Variants in UNC13A observed in about 807,000 individuals in gnomAD.
The protein encoded by UNC13A is protein unc-13 homolog A.
A neutral mutation model predicts 219.7 loss-of-function variants in UNC13A; 61 were observed. The observed-to-expected ratio is 0.28, with a 90% CI of 0.23 to 0.34. The LOEUF (loss-of-function observed/expected upper bound fraction) is 0.34, where lower values mean the gene tolerates loss of function less well. Among genes scored for constraint, UNC13A ranks in the 10% least tolerant of loss-of-function variants. The pLI is 1.00. For synonymous variants in UNC13A, 920 were observed against 884.6 expected, an observed-to-expected ratio of 1.04 and a Z score of -0.71; for missense variants, 1,476 against 2,270.3, an observed-to-expected ratio of 0.65 and a Z score of 7.11.
intron 26 of UNC13A, among the ~76,000 whole-genome samples, chr19:17,635,412 T>C (rs2076903431): frequency 6.6e-6 from 1 of 152,212 alleles, no homozygotes; most frequent in South Asian, 2.1e-4. Context: ...GAGTCCTCTC[T>C]AGCACTCATC....
chr19:17,668,066 G>T lies in UNC13A; in HGVS notation c.468+51C>A, dbSNP rs1036888347. On this transcript the variant is annotated intron_variant, in intron 6 of 43. Coordinates refer to ENST00000519716, the MANE Select transcript of UNC13A (RefSeq NM_001080421.3). ...CATCTGTAAGTGAAAATCATGGGGA[G>T]ACAGAGACAGAAACAAGGAAGAAAC... 91 of 1,570,322 alleles carry T rather than the reference G, an allele frequency of 5.8e-5. 2 individuals carry two copies. In the East Asian group the frequency reaches 2.0e-3, roughly 35 times the overall value.
At chr19:17,647,169 G>T in intron 17 of UNC13A, 96 bp downstream of exon 17, 2 of 1,168,386 alleles carry the variant, frequency 1.7e-6, no homozygotes, top group African/African-American at 1.5e-5. Flanking sequence ...GTGAGTGCGC[G>T]CTGCAAAGGA....
At chr19:17,619,607 T>G (rs1241837788) in intron 38 of UNC13A, among the ~76,000 whole-genome samples, 1 of 151,984 alleles carries the variant, frequency 6.6e-6, no homozygotes, top group Non-Finnish European at 1.5e-5. Context: ...TTTTTGAAAT[T>G]TTTTTCATAG....
intron 1 of UNC13A, among the ~76,000 whole-genome samples, chr19:17,681,284 T>C (rs117033582): frequency 0.014 from 2,155 of 151,344 alleles, 20 homozygotes; most frequent in Non-Finnish European, 0.023. Context: ...AGACAGGAGG[T>C]GGAGATCCAG....
At chr19:17,653,470 T>C (rs1406268536) in intron 11 of UNC13A, among the ~76,000 whole-genome samples, 2 of 150,750 alleles carry the variant, frequency 1.3e-5, no homozygotes, top group Admixed American at 6.6e-5. Flanking sequence ...GCCTCAGCCT[T>C]CCTAGTAGCT....
In UNC13A at chr19:17,674,826, A is replaced by G. The variant is rs2079866099; in HGVS notation, c.53-70T>C. 1 of 1,344,646 alleles carries G rather than the reference A, an allele frequency of 7.4e-7. No homozygotes were observed. The highest frequency in any genetic ancestry group is 1.1e-6 in the Non-Finnish European group (1 of 939,448). The allele number at this position is 1,344,646 out of a possible 1,614,324, so 83.3% of individuals were successfully genotyped here. ...TCCAATGCCCCTTCCCAAGCTCTAG[A>G]CCATCTGCTGTGATCCCCTCAGGAA... On this transcript the variant is annotated intron_variant, in intron 2 of 43. Coordinates refer to ENST00000519716, the MANE Select transcript of UNC13A (RefSeq NM_001080421.3). This position sits in a 1 kb window ranked among gnomAD's most constrained non-coding sequence, Gnocchi z 5.0.
intron 41 of UNC13A, chr19:17,616,296 G>T: frequency 3.4e-6 from 2 of 595,860 alleles, no homozygotes; most frequent in South Asian, 3.9e-5. Context: ...CCTGGGCGGC[G>T]GCCCTGCAGG....
chr19:17,654,079 G>A (rs546799175), intron 11 of UNC13A, among the ~76,000 whole-genome samples: 19 of 150,878 alleles, frequency 1.3e-4, no homozygotes, highest in Non-Finnish European at 2.4e-4. Context: ...CACCCACCTC[G>A]GCCTCCCAAA....
chr19:17,666,558 G>C, intron 7 of UNC13A, 92 bp downstream of exon 7: 1 of 991,450 alleles, frequency 1.0e-6, no homozygotes, highest in Non-Finnish European at 1.4e-6. Flanking sequence ...TTGTATCTCC[G>C]GACTGGAGGA....
Position 17,630,642 on chromosome 19 carries a change from G to A in UNC13A, c.3525+12C>T. ...GAAGATTAGGAACTTGGTTGTGGGT[G>A]GGCCTTCTTACCCCATCCTTCTTGT... is the stretch of plus-strand genomic sequence containing the variant. On this transcript the variant is annotated intron_variant, in intron 29 of 43. Transcript: ENST00000519716. The A allele has an allele frequency of 1.9e-6, 3 of 1,613,598 alleles. No individual in the cohort carries two copies. The highest frequency in any genetic ancestry group is 2.5e-6 in the Non-Finnish European group (3 of 1,179,558).
intron 17 of UNC13A, 111 bp from the exon 18 acceptor site, chr19:17,646,222 G>A (rs1368057629): frequency 1.7e-5 from 24 of 1,453,080 alleles, no homozygotes; most frequent in Non-Finnish European, 1.7e-5. Flanking sequence ...CAGCATGGCT[G>A]GAGAGCAATG....
chr19:17,635,123 C>T (rs1480864025), intron 26 of UNC13A, among the ~76,000 whole-genome samples: 2 of 152,172 alleles, frequency 1.3e-5, no homozygotes, highest in South Asian at 4.1e-4. Context: ...GCCTCGGCCT[C>T]CCAAAGTGCT....
chr19:17,615,786 CA>C (rs1407887440), intron 41 of UNC13A, among the ~76,000 whole-genome samples: 1 of 152,092 alleles, frequency 6.6e-6, no homozygotes, highest in Non-Finnish European at 1.5e-5. Context: ...TCAGCCTGGG[CA>C]ACAAAGTGAG....
intron 26 of UNC13A, among the ~76,000 whole-genome samples, chr19:17,634,038 C>CA (rs768616997): frequency 4.0e-4 from 61 of 152,156 alleles, no homozygotes; most frequent in Middle Eastern, 3.4e-3. Flanking sequence ...TCCATCCACT[C>CA]AACCACTCAT....
chr19:17,630,555 G>A, intron 29 of UNC13A, 99 bp downstream of exon 29: 2 of 1,307,568 alleles, frequency 1.5e-6, no homozygotes, highest in African/African-American at 1.5e-5. Context: ...AAAGATGGCG[G>A]ACACCTACCA....
chr19:17,668,695 G>T (rs1479186299), intron 5 of UNC13A, among the ~76,000 whole-genome samples: 1 of 152,058 alleles, frequency 6.6e-6, no homozygotes, highest in Non-Finnish European at 1.5e-5. Flanking sequence ...CTCCATGTTG[G>T]CCAGGCTGCT....
chr19:17,625,401 G>C (rs919509190), intron 34 of UNC13A, among the ~76,000 whole-genome samples: 1 of 152,088 alleles, frequency 6.6e-6, no homozygotes, highest in Non-Finnish European at 1.5e-5. Flanking sequence ...ACAGCAAAGA[G>C]ATTGTGGTTG....
Position 17,642,843 on chromosome 19 carries a change from A to C in UNC13A, c.2472+2T>G. 6.2e-7 allele frequency: 1 copy of C among 1,604,892 alleles called. No individual in the cohort carries two copies. The highest frequency in any genetic ancestry group is 8.5e-7 in the Non-Finnish European group (1 of 1,175,548). The stretch of plus-strand genomic sequence containing the variant: ...TGGGAGGGGCCGAGCAATGACCCTC[A>C]CCTCATGCAGACAGGTGTACTGGAC... On this transcript the variant is annotated splice_donor_variant, in intron 20 of 43. Coordinates refer to ENST00000519716, the MANE Select transcript of UNC13A (RefSeq NM_001080421.3). LOFTEE classifies it high-confidence loss of function.
At chr19:17,660,651 C>T (rs1454100578) in intron 8 of UNC13A, among the ~76,000 whole-genome samples, 3 of 151,776 alleles carry the variant, frequency 2.0e-5, no homozygotes, top group Non-Finnish European at 4.4e-5. Flanking sequence ...CCTGCCTCAG[C>T]CTCCCGAGTA....
Sources: gnomAD v4.1 joint callset for allele counts (sites outside exome capture counted in the v4.1 genomes callset) on GRCh38, gnomAD v4.1.1 for gene constraint, Gnocchi (gnomAD v3.1) non-coding constraint, MANE v1.5 for transcripts, NCBI Gene and HGNC (gene_info 2026-07-23, HGNC 2026-07-21) for gene names.